The following SREK1 variants were observed in gnomAD, a reference collection of about 807,000 sequenced individuals.
The protein encoded by SREK1 is splicing regulatory glutamine/lysine-rich protein 1.
Under a neutral mutation model 66.5 loss-of-function variants are expected in SREK1, and 13 were observed. That is an observed-to-expected ratio of 0.20 (90% CI 0.13 to 0.31). The LOEUF (loss-of-function observed/expected upper bound fraction) is 0.31. SREK1 is among the 10% of genes least tolerant of loss of function. The probability of loss-of-function intolerance (pLI) is 1.00; values close to 1 mark genes in which losing one functional copy is unlikely to be tolerated. For missense variants in SREK1, 607 were observed against 769.6 expected (o/e 0.79, Z 2.50); for synonymous variants, 265 against 263.5 (o/e 1.01, Z -0.05).
chr5:66,146,874 C>T lies in SREK1; in HGVS notation c.161+2337C>T, dbSNP rs193250777. ...ATATTTATTTTCAAATACATATTTCCAGGTATATTGGAAATACATTAATAG... is the reference window on the plus strand; with the variant it reads ...ATATTTATTTTCAAATACATATTTCTAGGTATATTGGAAATACATTAATAG... On this transcript the variant is annotated intron_variant, in intron 1 of 11. Transcript: ENST00000334121. Among the ~76,000 whole-genome samples, 529 of 151,662 alleles carry T rather than the reference C, an allele frequency of 3.5e-3. 3 individuals are homozygous for T. Among genetic ancestry groups the T allele is most frequent in the Non-Finnish European group, 4.4e-3 (302 of 67,902 alleles).
intron 10 of SREK1, among the ~76,000 whole-genome samples, chr5:66,176,206 T>C (rs1479437071): frequency 6.6e-6 from 1 of 152,174 alleles, no homozygotes. Context: ...TAGTTTGATA[T>C]GTTGCCTTTG....
At chr5:66,162,064 A>G (rs757331534) in intron 3 of SREK1, 45 bp from the exon 4 acceptor site, 2 of 1,580,274 alleles carry the variant, frequency 1.3e-6, no homozygotes, top group South Asian at 1.2e-5. Context: ...TTTGGATACT[A>G]ATAGAAAATA....
chr5:66,164,951 A>G, intron 7 of SREK1, 54 bp downstream of exon 7: 1 of 1,501,802 alleles, frequency 6.7e-7, no homozygotes, highest in South Asian at 1.3e-5. Flanking sequence ...TATTTAAAAT[A>G]TTAAGATTTT....
chr5:66,177,766 A>G, intron 11 of SREK1, 108 bp downstream of exon 11: 2 of 810,030 alleles, frequency 2.5e-6, no homozygotes, highest in South Asian at 8.8e-5. Context: ...CATTGTTGGC[A>G]TTTTATGGCA....
At chr5:66,175,187 G>A in intron 10 of SREK1, 146 bp downstream of exon 10, 1 of 691,198 alleles carries the variant, frequency 1.4e-6, no homozygotes, top group South Asian at 2.3e-5. Context: ...TAAAAGTTAT[G>A]TATCAGGAAG....
rs149953142 is a variant in SREK1, at chr5:66,154,008, G to A, written c.295+412G>A. On this transcript the variant is annotated intron_variant, in intron 2 of 11. Transcript: ENST00000334121. ...AATTGGGGTTAAGTGATATTTATAA[G>A]AAAATATTTGTAATTTATACTTTCA... is the stretch of plus-strand genomic sequence containing the variant. Among the ~76,000 whole-genome samples, 649 of 152,218 alleles carry A rather than the reference G, an allele frequency of 4.3e-3. 4 individuals are homozygous for A. Among genetic ancestry groups the A allele is most frequent in the African/African-American group, 0.014 (597 of 41,546 alleles).
chr5:66,164,977 A>T, intron 7 of SREK1, 80 bp downstream of exon 7: 1 of 1,380,066 alleles, frequency 7.2e-7, no homozygotes, highest in South Asian at 1.5e-5. Context: ...TTTTCGTCAA[A>T]ATATCAGAAG....
At chr5:66,159,054 G>A in intron 2 of SREK1, 165 bp from the exon 3 acceptor site, 23 of 1,416,790 alleles carry the variant, frequency 1.6e-5, no homozygotes, top group Non-Finnish European at 1.8e-5. Context: ...TAGTAGAGCA[G>A]GATAAAAGGA....
In SREK1 at chr5:66,170,604, C is replaced by G; in HGVS notation, c.1141C>G (p.Arg381Gly). The change falls in exon 9 of 12, where the codon CGA (arginine) becomes GGA (glycine). Residue 381 changes from arginine to glycine, a missense_variant. Physicochemically the swap from Arg to Gly is moderately radical, Grantham distance 125. Transcript: ENST00000334121. ...SHSRDKRKDT[R>G]EKIKEKERVK... ...TTAAAGGGACAAGAGAAAAGACACT[C>G]GAGAAAAGATCAAGGAAAAGGAAAG... 1.9e-6 allele frequency: 3 copies of G among 1,600,216 alleles called. No homozygotes were observed. The highest frequency in any genetic ancestry group is 2.5e-6 in the Non-Finnish European group (3 of 1,176,564).
intron 1 of SREK1, among the ~76,000 whole-genome samples, chr5:66,148,200 A>G (rs529834801): frequency 6.6e-6 from 1 of 152,170 alleles, no homozygotes; most frequent in African/African-American, 2.4e-5. Context: ...AGCCCAGTGA[A>G]GAAACCCTGT....
rs531405281 is a variant in SREK1 at position 66,175,488 on chromosome 5, G to T, written c.1580+447G>T. 2.6e-5 allele frequency among the ~76,000 whole-genome samples: 4 copies of T among 152,172 alleles called. No individual in the cohort carries two copies. The South Asian group carries it at 8.3e-4, about 32-fold the overall frequency. ...GGCCATACCTTAGTTTTTTAACTAGGCTACAGTAGAAGGGGTTTTTTGAAT... is the reference window on the plus strand; with the variant it reads ...GGCCATACCTTAGTTTTTTAACTAGTCTACAGTAGAAGGGGTTTTTTGAAT... On this transcript the variant is annotated intron_variant, in intron 10 of 11. Coordinates refer to ENST00000334121, the MANE Select transcript of SREK1 (RefSeq NM_001077199.3).
At chr5:66,149,895 T>A (rs1476982666) in intron 1 of SREK1, among the ~76,000 whole-genome samples, 1 of 152,346 alleles carries the variant, frequency 6.6e-6, no homozygotes, top group South Asian at 2.1e-4. Flanking sequence ...CCAGGCCTCA[T>A]GGGAACTAGT....
chr5:66,152,763 A>G (rs1315145598), intron 1 of SREK1, among the ~76,000 whole-genome samples: 4 of 152,222 alleles, frequency 2.6e-5, no homozygotes, highest in African/African-American at 7.2e-5. Flanking sequence ...ATGATTATCC[A>G]TGAGGATAGT....
intron 3 of SREK1, among the ~76,000 whole-genome samples, chr5:66,159,884 ACTT>A (rs1419300431): frequency 6.6e-6 from 1 of 152,200 alleles, no homozygotes; most frequent in African/African-American, 2.4e-5. Flanking sequence ...TAATCCCAGC[ACTT>A]TGGGAGGCCG....
At chr5:66,171,061 T>C (rs919358195) in intron 9 of SREK1, 114 bp downstream of exon 9, 16 of 1,265,714 alleles carry the variant, frequency 1.3e-5, no homozygotes, top group Admixed American at 3.0e-5. Flanking sequence ...TAAAGTAATA[T>C]AAGAACATTT....
intron 1 of SREK1, chr5:66,144,797 T>C (rs981456409): frequency 8.6e-5 from 103 of 1,198,174 alleles, no homozygotes; most frequent in Non-Finnish European, 1.1e-4. Context: ...GGGACTTGTG[T>C]TCGCTGCTGG....
chr5:66,180,636 A>G lies in SREK1; in HGVS notation c.*1768A>G, dbSNP rs550714902. ...GTTTTTCCTTTTTGTCACTGTGTAC[A>G]TTAAAATTTTGGAAGATGCTTTACT... On this transcript the variant is annotated 3_prime_UTR_variant, in exon 12 of 12. Coordinates refer to ENST00000334121, the MANE Select transcript of SREK1 (RefSeq NM_001077199.3). The G allele has an allele frequency of 1.3e-5, 2 of 152,688 alleles. No homozygotes were observed. Among genetic ancestry groups the G allele is most frequent in the African/African-American group, 2.4e-5 (1 of 41,566 alleles). The allele number at this position is 152,688 out of a possible 1,614,324, so 9.5% of individuals were successfully genotyped here.
chr5:66,146,003 T>C (rs1743161920), intron 1 of SREK1, among the ~76,000 whole-genome samples: 1 of 151,970 alleles, frequency 6.6e-6, no homozygotes. Context: ...TGTATATATA[T>C]ATCTTTATAT....
intron 2 of SREK1, chr5:66,157,008 A>G: frequency 3.0e-6 from 3 of 985,238 alleles, no homozygotes; most frequent in Non-Finnish European, 3.6e-6. Context: ...TGTTATTTGG[A>G]GGGTAAATTT....
Sources: gnomAD v4.1 joint callset for allele counts (sites outside exome capture counted in the v4.1 genomes callset) on GRCh38, gnomAD v4.1.1 for gene constraint, MANE v1.5 for transcripts, NCBI Gene and HGNC (gene_info 2026-07-23, HGNC 2026-07-21) for gene names.